Variants in HYAL2 observed in about 807,000 individuals in gnomAD.
HYAL2 encodes the protein hyaluronidase-2.
Under a neutral mutation model 35.4 loss-of-function variants are expected in HYAL2, and 30 were observed. The observed-to-expected ratio is 0.85, with a 90% CI of 0.63 to 1.15. HYAL2 has a LOEUF of 1.15. HYAL2 is among the 50% of genes most tolerant of loss of function. The probability of loss-of-function intolerance (pLI) is 0.00; values close to 1 mark genes in which losing one functional copy is unlikely to be tolerated. For synonymous variants in HYAL2, 262 were observed against 252.8 expected (o/e 1.04, Z -0.34); for missense variants, 635 against 646.5 (o/e 0.98, Z 0.19).
Position 50,318,016 on chromosome 3 carries a change from TG to T in HYAL2, c.*112del. On this transcript the variant is annotated 3_prime_UTR_variant, in exon 4 of 4. Coordinates refer to ENST00000357750, the MANE Select transcript of HYAL2 (RefSeq NM_003773.5). This position sits in a 1 kb window ranked among gnomAD's most constrained non-coding sequence, Gnocchi z 4.5. ...GGTATGGATGCCCTCCTGGGCTTCC[TG>T]GGGGCTCTGCCCACTCCAGACTCCA... 8.2e-7 allele frequency: 1 copy of T among 1,216,682 alleles called. No individual in the cohort carries two copies. Among genetic ancestry groups the T allele is most frequent in the Non-Finnish European group, 1.2e-6 (1 of 868,850 alleles). 75.4% of individuals were successfully genotyped at this position (1,216,682 alleles called of 1,614,324 possible). A position where few individuals can be genotyped will look rare whatever the true frequency, so the allele number is the denominator to read the frequency against.
Position 50,319,972 on chromosome 3 carries a change from T to C in HYAL2, c.518A>G (p.Lys173Arg), listed in dbSNP as rs781791737. 3.7e-6 allele frequency: 6 copies of C among 1,613,456 alleles called. No homozygotes were observed. Among genetic ancestry groups the C allele is most frequent in the Middle Eastern group, 1.6e-4 (1 of 6,084 alleles). Residue 173 changes from lysine (K) to arginine (R), a missense_variant, in exon 2 of 4, where the codon AAA becomes AGA. By Grantham distance (26) the Lys-to-Arg change is conservative (BLOSUM62 2). Transcript: ENST00000357750. ...HPDWPPDRIV[K>R]QAQYEFEFAA... is the part of the protein sequence containing the mutation. ...GAACTCAAACTCATATTGTGCCTGT[T>C]TGACTATGCGGTCTGGAGGCCAGTC...
In HYAL2 at chr3:50,320,253, G is replaced by A. The variant is rs372410580; in HGVS notation, c.237C>T (p.Tyr79=). 1 of 1,614,048 alleles carries A rather than the reference G, an allele frequency of 6.2e-7. No individual in the cohort carries two copies. Among genetic ancestry groups the A allele is most frequent in the Admixed American group, 1.7e-5 (1 of 60,028 alleles). Residue 79 remains tyrosine, a synonymous_variant, in exon 2 of 4, where the codon TAC becomes TAT. Transcript: ENST00000357750. This position sits in a 1 kb window ranked among gnomAD's most constrained non-coding sequence, Gnocchi z 4.8. The part of the protein sequence containing the change: ...GFVNQNITIF[Y]RDRLGLYPRF... ...GTGGATACAGGCCTAGACGGTCGCG[G>A]TAGAAGATGGTAATATTCTGGTTCA... is the stretch of plus-strand genomic sequence containing the variant.
At position 50,318,949 on chromosome 3, in the gene HYAL2, C is replaced by T. The variant is rs781948296; in HGVS notation, c.1011+7G>A. 1.8e-5 allele frequency: 29 copies of T among 1,612,802 alleles called. No individual in the cohort carries two copies. Among genetic ancestry groups the T allele is most frequent in the African/African-American group, 1.1e-4 (8 of 74,876 alleles). On this transcript the variant is annotated splice_region_variant and intron_variant, in intron 3 of 3. Coordinates refer to ENST00000357750, the MANE Select transcript of HYAL2 (RefSeq NM_003773.5). This position sits in a 1 kb window ranked among gnomAD's most constrained non-coding sequence, Gnocchi z 4.5. ...GACTGAGCTCTGGCAGGCTGGGTCT[C>T]GCTTACCGTGCTTGTGGTGTACCCC...
chr3:50,319,473 A>C, intron 2 of HYAL2, 96 bp downstream of exon 2: 1 of 1,053,434 alleles, frequency 9.5e-7, no homozygotes, highest in Non-Finnish European at 1.4e-6. Flanking sequence ...GCAGCCAATA[A>C]ACTACAGGTA....
Position 50,318,874 on chromosome 3 carries a change from G to C in HYAL2, c.1011+82C>G. 1 of 1,223,876 alleles carries C rather than the reference G, an allele frequency of 8.2e-7. No individual in the cohort carries two copies. Among genetic ancestry groups the C allele is most frequent in the Non-Finnish European group, 1.2e-6 (1 of 829,498 alleles). 75.8% of individuals were successfully genotyped at this position (1,223,876 alleles called of 1,614,324 possible). A position where few individuals can be genotyped will look rare whatever the true frequency, so the allele number is the denominator to read the frequency against. ...CAGACAAGGGGACCAGACTAGGATT[G>C]CCCACCTGAGGTTGGTAGCCAAAGG... On this transcript the variant is annotated intron_variant, in intron 3 of 3. Transcript: ENST00000357750. The surrounding 1 kb of genome is among the most constrained non-coding windows in gnomAD (Gnocchi z 4.5).
chr3:50,317,990 TG>T lies in HYAL2; in HGVS notation c.*138del. 1 of 866,132 alleles carries T rather than the reference TG, an allele frequency of 1.2e-6. No homozygotes were observed. The highest frequency in any genetic ancestry group is 1.8e-6 in the Non-Finnish European group (1 of 556,758). The allele number at this position is 866,132 out of a possible 1,614,324, so 53.7% of individuals were successfully genotyped here. A position where few individuals can be genotyped will look rare whatever the true frequency, so the allele number is the denominator to read the frequency against. On this transcript the variant is annotated 3_prime_UTR_variant, in exon 4 of 4. Transcript: ENST00000357750. ...CCCCTTAGAACAGGGGGGTGCGAGC[TG>T]GTATGGATGCCCTCCTGGGCTTCCT...
rs1553715980 is a variant in HYAL2, at chr3:50,318,872, T to C, written c.1011+84A>G. On this transcript the variant is annotated intron_variant, in intron 3 of 3. Transcript: ENST00000357750. The surrounding 1 kb of genome is among the most constrained non-coding windows in gnomAD (Gnocchi z 4.5). Reference sequence around the variant, plus strand: ...GACAGACAAGGGGACCAGACTAGGATTGCCCACCTGAGGTTGGTAGCCAAA... The same window carrying C: ...GACAGACAAGGGGACCAGACTAGGACTGCCCACCTGAGGTTGGTAGCCAAA... The C allele has an allele frequency of 1.7e-6, 2 of 1,204,000 alleles. No homozygotes were observed. The highest frequency in any genetic ancestry group is 2.5e-6 in the Non-Finnish European group (2 of 811,532). The allele number at this position is 1,204,000 out of a possible 1,614,324, so 74.6% of individuals were successfully genotyped here.
chr3:50,320,459 A>G lies in HYAL2; in HGVS notation c.31T>C (p.Leu11=), dbSNP rs1376958711. The change falls in exon 2 of 4, where the codon TTG becomes CTG. Residue 11 remains leucine (L), a synonymous_variant. Coordinates refer to ENST00000357750, the MANE Select transcript of HYAL2 (RefSeq NM_003773.5). The surrounding 1 kb of genome is among the most constrained non-coding windows in gnomAD (Gnocchi z 4.8). The stretch of plus-strand genomic sequence containing the variant: ...CATGACACCGCCAGCACCAGGGCCA[A>G]TGTAACGGTGGGGCCTGGGCCTGCC... MRAGPGPTVT[L]ALVLAVSWAM... The G allele has an allele frequency of 1.3e-6, 2 of 1,568,926 alleles. No individual in the cohort carries two copies. Among genetic ancestry groups the G allele is most frequent in the Admixed American group, 1.8e-5 (1 of 56,346 alleles).
Position 50,319,878 on chromosome 3 carries a change from G to T in HYAL2, c.612C>A (p.Gly204=), listed in dbSNP as rs1553716281. The change falls in exon 2 of 4, where the codon GGC becomes GGA. Residue 204 remains glycine, a synonymous_variant. Transcript: ENST00000357750. Reference sequence around the variant, plus strand: ...TGTAGCAGTCAGGAAAGAGGTAGAAGCCCCAGAGGTGCCGGGGCCGCACTG... The same window carrying T: ...TGTAGCAGTCAGGAAAGAGGTAGAATCCCCAGAGGTGCCGGGGCCGCACTG... ...VKAVRPRHLW[G]FYLFPDCYNH... is the part of the protein sequence containing the mutation. 1 of 1,613,638 alleles carries T rather than the reference G, an allele frequency of 6.2e-7. No homozygotes were observed.
rs1251115838 is a variant in HYAL2, at chr3:50,318,136, G to A, written c.1415C>T (p.Thr472Ile). Residue 472 changes from threonine (T) to isoleucine (I), a missense_variant, in exon 4 of 4, where the codon ACC becomes ATC. By Grantham distance (89) the Thr-to-Ile change is moderately conservative (BLOSUM62 -1). Coordinates refer to ENST00000357750, the MANE Select transcript of HYAL2 (RefSeq NM_003773.5). The surrounding 1 kb of genome is among the most constrained non-coding windows in gnomAD (Gnocchi z 4.5). ...LALAALAFTW[T>I]L ...CAGCTAGGCAGGAGACCCCTACAAG[G>A]TCCAGGTAAAGGCCAGGGCTGCCAG... The A allele has an allele frequency of 1.9e-6, 3 of 1,564,944 alleles. No individual in the cohort carries two copies. Among genetic ancestry groups the A allele is most frequent in the Non-Finnish European group, 1.7e-6 (2 of 1,153,668 alleles).
At position 50,318,010 on chromosome 3, in the gene HYAL2, G is replaced by A; in HGVS notation, c.*119C>T. 1 of 1,150,214 alleles carries A rather than the reference G, an allele frequency of 8.7e-7. No homozygotes were observed. The highest frequency in any genetic ancestry group is 2.4e-5 in the East Asian group (1 of 41,334). 71.3% of individuals were successfully genotyped at this position (1,150,214 alleles called of 1,614,324 possible). ...CGAGCTGGTATGGATGCCCTCCTGG[G>A]CTTCCTGGGGGCTCTGCCCACTCCA... On this transcript the variant is annotated 3_prime_UTR_variant, in exon 4 of 4. Coordinates refer to ENST00000357750, the MANE Select transcript of HYAL2 (RefSeq NM_003773.5). The surrounding 1 kb of genome is among the most constrained non-coding windows in gnomAD (Gnocchi z 4.5).
chr3:50,319,561 A>G lies in HYAL2; in HGVS notation c.921+8T>C. ...GGAGAAAAAAGGCAGGGCCCTGGAGACACATACCTCACTAAGCCCCGTGAG... is the reference window on the plus strand; with the variant it reads ...GGAGAAAAAAGGCAGGGCCCTGGAGGCACATACCTCACTAAGCCCCGTGAG... On this transcript the variant is annotated splice_region_variant and intron_variant, in intron 2 of 3. Coordinates refer to ENST00000357750, the MANE Select transcript of HYAL2 (RefSeq NM_003773.5). 6.2e-7 allele frequency: 1 copy of G among 1,603,400 alleles called. No homozygotes were observed. The highest frequency in any genetic ancestry group is 8.5e-7 in the Non-Finnish European group (1 of 1,173,074).
Position 50,318,659 on chromosome 3 carries a change from T to C in HYAL2, c.1012-120A>G. ...TATTTTAACTGCACACATTCATACA[T>C]TCAATCTGCACCTGAGCCACACAGT... On this transcript the variant is annotated intron_variant, in intron 3 of 3. Transcript: ENST00000357750. This position sits in a 1 kb window ranked among gnomAD's most constrained non-coding sequence, Gnocchi z 4.5. 1.0e-6 allele frequency: 1 copy of C among 969,784 alleles called. No individual in the cohort carries two copies. The allele number at this position is 969,784 out of a possible 1,614,324, so 60.1% of individuals were successfully genotyped here.
Position 50,318,446 on chromosome 3 carries a change from G to A in HYAL2, c.1105C>T (p.Gln369Ter). 1.2e-6 allele frequency: 2 copies of A among 1,613,200 alleles called. No homozygotes were observed. The highest frequency in any genetic ancestry group is 8.5e-7 in the Non-Finnish European group (1 of 1,180,022). The change falls in exon 4 of 4, where the codon CAG (glutamine) becomes TAG (stop). Residue 369 changes from glutamine (Q) to a stop codon, truncating the protein, a stop_gained. Coordinates refer to ENST00000357750, the MANE Select transcript of HYAL2 (RefSeq NM_003773.5). LOFTEE classifies it high-confidence loss of function. This position sits in a 1 kb window ranked among gnomAD's most constrained non-coding sequence, Gnocchi z 4.5. ...SWATQYCSRA[Q>*]CHGHGRCVRR... Reference sequence around the variant, plus strand: ...ACACAGCGCCCATGGCCATGGCACTGGGCCCGGCTGCAATATTGGGTGGCC... The same window carrying A: ...ACACAGCGCCCATGGCCATGGCACTAGGCCCGGCTGCAATATTGGGTGGCC...
Position 50,320,178 on chromosome 3 carries a change from G to T in HYAL2, c.312C>A (p.Val104=), listed in dbSNP as rs782500150. 1 of 1,613,932 alleles carries T rather than the reference G, an allele frequency of 6.2e-7. No homozygotes were observed. The highest frequency in any genetic ancestry group is 8.5e-7 in the Non-Finnish European group (1 of 1,180,044). ...RSVHGGVPQN[V]SLWAHRKMLQ... Reference sequence around the variant, plus strand: ...GCATCTTCCGGTGTGCCCAAAGGCTGACATTCTGTGGCACACCACCATGCA... The same window carrying T: ...GCATCTTCCGGTGTGCCCAAAGGCTTACATTCTGTGGCACACCACCATGCA... The change falls in exon 2 of 4, where the codon GTC becomes GTA. Residue 104 remains valine (V), a synonymous_variant. Transcript: ENST00000357750. The surrounding 1 kb of genome is among the most constrained non-coding windows in gnomAD (Gnocchi z 4.8).
rs373163483 is a variant in HYAL2, at chr3:50,320,322, G to C, written c.168C>G (p.Asp56Glu). Residue 56 changes from aspartate (D) to glutamate (E), a missense_variant, in exon 2 of 4, where the codon GAC (aspartate) becomes GAG (glutamate). Transcript: ENST00000357750. The surrounding 1 kb of genome is among the most constrained non-coding windows in gnomAD (Gnocchi z 4.8). ...DCGPRLKVPL[D>E]LNAFDVQASP... The stretch of plus-strand genomic sequence containing the variant: ...AGGCCTGCACATCAAAGGCATTCAG[G>C]TCCAGTGGCACCTTGAGGCGTGGGC... 1.2e-6 allele frequency: 2 copies of C among 1,613,854 alleles called. No individual in the cohort carries two copies. Among genetic ancestry groups the C allele is most frequent in the African/African-American group, 2.7e-5 (2 of 74,950 alleles).
chr3:50,318,410 G>A lies in HYAL2; in HGVS notation c.1141C>T (p.Pro381Ser). 6.2e-7 allele frequency: 1 copy of A among 1,613,290 alleles called. No homozygotes were observed. Among genetic ancestry groups the A allele is most frequent in the Non-Finnish European group, 8.5e-7 (1 of 1,180,046 alleles). ...AGATGCAGGAAGGTACTGGCACTGG[G>A]GTTGCGGCGCACACAGCGCCCATGG... is the stretch of plus-strand genomic sequence containing the variant. ...HGHGRCVRRN[P>S]SASTFLHLST... The change falls in exon 4 of 4, where the codon CCC (proline) becomes TCC (serine). Residue 381 changes from proline (P) to serine (S), a missense_variant. Transcript: ENST00000357750. The surrounding 1 kb of genome is among the most constrained non-coding windows in gnomAD (Gnocchi z 4.5).
Position 50,318,195 on chromosome 3 carries a change from G to A in HYAL2, c.1356C>T (p.Ala452=). The A allele has an allele frequency of 6.2e-7, 1 of 1,612,440 alleles. No individual in the cohort carries two copies. The highest frequency in any genetic ancestry group is 8.5e-7 in the Non-Finnish European group (1 of 1,179,584). Residue 452 remains alanine (A), a synonymous_variant, in exon 4 of 4, where the codon GCC becomes GCT. Coordinates refer to ENST00000357750, the MANE Select transcript of HYAL2 (RefSeq NM_003773.5). This position sits in a 1 kb window ranked among gnomAD's most constrained non-coding sequence, Gnocchi z 4.5. ...HRQAAGGASE[A]WAGSHLTSLL... is the part of the protein sequence containing the mutation. ...GACTGGTGAGGTGGGACCCAGCCCA[G>A]GCCTCGCTGGCACCTCCAGCTGCCT... is the stretch of plus-strand genomic sequence containing the variant.
rs1185419561 is a variant in HYAL2, at chr3:50,319,991, G to T, written c.499C>A (p.Pro167Thr). The change falls in exon 2 of 4, where the codon CCT becomes ACT. Residue 167 changes from proline (P) to threonine (T), a missense_variant. Physicochemically the swap from Pro to Thr is conservative, Grantham distance 38 (BLOSUM62 -1). Transcript: ENST00000357750. ...GCCTGTTTGACTATGCGGTCTGGAG[G>T]CCAGTCAGGGTGACGACTGGCCACT... Reference protein sequence around the residue: ...QLVASRHPDWPPDRIVKQAQY... With the variant: ...QLVASRHPDWTPDRIVKQAQY... 1.2e-6 allele frequency: 2 copies of T among 1,613,256 alleles called. No homozygotes were observed. Among genetic ancestry groups the T allele is most frequent in the East Asian group, 2.2e-5 (1 of 44,902 alleles).
Sources: allele counts gnomAD v4.1 joint callset, GRCh38; gene constraint gnomAD v4.1.1; non-coding constraint Gnocchi (gnomAD v3.1); transcripts MANE v1.5; gene names NCBI Gene and HGNC (gene_info 2026-07-23, HGNC 2026-07-21).